Variants in STAG2 observed in about 807,000 individuals in gnomAD.
STAG2 encodes STAG2 cohesin complex component.
A neutral mutation model predicts 108.1 loss-of-function variants in STAG2; 14 were observed. That is an observed-to-expected ratio of 0.13 (90% CI 0.09 to 0.20). The LOEUF (loss-of-function observed/expected upper bound fraction) is 0.20, where lower values mean the gene tolerates loss of function less well. Ranked by LOEUF, STAG2 falls within the 10% of genes least tolerant of loss-of-function variation. The probability of loss-of-function intolerance (pLI) is 1.00; values close to 1 mark genes in which losing one functional copy is unlikely to be tolerated. For synonymous variants in STAG2, 307 were observed against 302.7 expected (o/e 1.01, Z -0.15); for missense variants, 440 against 940.9 (o/e 0.47, Z 6.96).
chrX:123,976,388 C>T lies in STAG2; in HGVS notation c.-163+14532C>T, dbSNP rs1162371760. On this transcript the variant is annotated intron_variant, in intron 1 of 34. Coordinates refer to ENST00000371145, the MANE Select transcript of STAG2 (RefSeq NM_001042750.2). Reference sequence around the variant, plus strand: ...ATAGTATTTGAATGTACAATATTGGCAAATATCCAGATTTATCTCATAGCA... The same window carrying T: ...ATAGTATTTGAATGTACAATATTGGTAAATATCCAGATTTATCTCATAGCA... Among the ~76,000 whole-genome samples the T allele has an allele frequency of 4.5e-5, 5 of 111,995 alleles. No individual in the cohort carries two copies. In the East Asian group the frequency reaches 1.4e-3, roughly 31 times the overall value.
chrX:124,058,852 T>C (rs1433347261), intron 15 of STAG2, among the ~76,000 whole-genome samples: 1 of 112,290 alleles, frequency 8.9e-6, no homozygotes, highest in East Asian at 2.8e-4. Flanking sequence ...GATCAGGCCT[T>C]TTAATTTTCT....
chrX:124,079,140 T>G (rs1277013896), intron 27 of STAG2, among the ~76,000 whole-genome samples: 1 of 108,871 alleles, frequency 9.2e-6, no homozygotes, highest in African/African-American at 3.3e-5. Flanking sequence ...GTCCTTTTTT[T>G]TTTTTCCTTT....
intron 1 of STAG2, among the ~76,000 whole-genome samples, chrX:123,970,570 A>G (rs2054311181): frequency 8.9e-6 from 1 of 112,024 alleles, no homozygotes; most frequent in South Asian, 3.7e-4. Flanking sequence ...TCGTGATACA[A>G]TGTGAATGCT....
At chrX:124,025,799 A>G (rs371655913) in intron 3 of STAG2, 41 bp from the exon 4 acceptor site, 3 of 980,134 alleles carry the variant, frequency 3.1e-6, no homozygotes, top group Non-Finnish European at 4.2e-6. Flanking sequence ...CTCAATATAA[A>G]TTTCTAAGGA....
At chrX:124,008,203 T>C (rs2056372814) in intron 1 of STAG2, among the ~76,000 whole-genome samples, 1 of 108,950 alleles carries the variant, frequency 9.2e-6, no homozygotes, top group Non-Finnish European at 1.9e-5. Flanking sequence ...ATTATTATTA[T>C]TAATTTTCTT....
chrX:124,063,720 T>TA, intron 19 of STAG2, 128 bp from the exon 20 acceptor site: 1 of 493,488 alleles, frequency 2.0e-6, no homozygotes, highest in Non-Finnish European at 3.4e-6. Flanking sequence ...AAAAGCACCT[T>TA]AAAATGTACG....
chrX:124,052,885 C>T (rs962666902), intron 13 of STAG2, among the ~76,000 whole-genome samples: 4 of 107,563 alleles, frequency 3.7e-5, no homozygotes, highest in Non-Finnish European at 5.8e-5. Flanking sequence ...GGCATGATCT[C>T]GGCTCACCGC....
chrX:124,076,409 C>CTAA lies in STAG2; in HGVS notation c.2613_2615dup (p.Ile872dup). 1 of 1,207,918 alleles carries CTAA rather than the reference C, an allele frequency of 8.3e-7. No homozygotes were observed. Among genetic ancestry groups the CTAA allele is most frequent in the Non-Finnish European group, 1.1e-6 (1 of 893,316 alleles). On this transcript the variant is annotated inframe_insertion, in exon 26 of 35. Coordinates refer to ENST00000371145, the MANE Select transcript of STAG2 (RefSeq NM_001042750.2). ...AAATTTACTTGCAGCATTTTGTAAGCTAATTGTATATACTGTGGTGGAGAT... is the reference window on the plus strand; with the variant it reads ...AAATTTACTTGCAGCATTTTGTAAGCTAATAATTGTATATACTGTGGTGGAGAT...
chrX:124,050,434 T>G, intron 11 of STAG2, 125 bp downstream of exon 11: 1 of 746,265 alleles, frequency 1.3e-6, no homozygotes, highest in East Asian at 3.7e-5. Context: ...CCCTTTATTC[T>G]TTTCTATCTT....
intron 1 of STAG2, among the ~76,000 whole-genome samples, chrX:123,974,895 A>G (rs979724726): frequency 2.7e-5 from 3 of 111,927 alleles, no homozygotes; most frequent in African/African-American, 9.7e-5. Flanking sequence ...GATTTTCATT[A>G]CATTCACTCA....
rs1052801058 is a variant in STAG2 at position 124,100,826 on chromosome X, ATATTT to A, written c.*235_*239del. 1.1e-5 allele frequency: 3 copies of A among 280,889 alleles called. No individual in the cohort carries two copies. Among genetic ancestry groups the A allele is most frequent in the South Asian group, 1.9e-4 (1 of 5,353 alleles). 23.1% of individuals were successfully genotyped at this position (280,889 alleles called of 1,213,427 possible). A position where few individuals can be genotyped will look rare whatever the true frequency, so the allele number is the denominator to read the frequency against. ...AGCTACAGTTTTTCTTAGAAAGTAA[ATATTT>A]TATTTATGCGCTGTTAGTTGGCTTT... On this transcript the variant is annotated 3_prime_UTR_variant, in exon 35 of 35. Coordinates refer to ENST00000371145, the MANE Select transcript of STAG2 (RefSeq NM_001042750.2).
intron 1 of STAG2, among the ~76,000 whole-genome samples, chrX:124,000,874 T>C (rs1341840059): frequency 9.0e-6 from 1 of 111,009 alleles, no homozygotes. Flanking sequence ...GGCTAATGTA[T>C]ATTTGTGTCT....
At chrX:124,096,617 T>C (rs946621033) in intron 34 of STAG2, among the ~76,000 whole-genome samples, 10 of 111,960 alleles carry the variant, frequency 8.9e-5, no homozygotes, top group African/African-American at 3.2e-4. Flanking sequence ...TATTCATTCT[T>C]AGTTCTGCCC....
chrX:124,057,727 G>A, intron 14 of STAG2, 139 bp from the exon 15 acceptor site: 1 of 328,749 alleles, frequency 3.0e-6, no homozygotes, highest in Non-Finnish European at 5.2e-6. Flanking sequence ...GGTGTGCCAT[G>A]TTGGATGATA....
intron 33 of STAG2, 55 bp downstream of exon 33, chrX:124,094,199 T>C (rs368600430): frequency 8.9e-7 from 1 of 1,117,948 alleles, no homozygotes; most frequent in East Asian, 3.0e-5. Context: ...TTGAAAATTA[T>C]GTTGGATATT....
Position 124,022,620 on chromosome X carries a change from A to G in STAG2, c.-8A>G. 1 of 1,169,595 alleles carries G rather than the reference A, an allele frequency of 8.5e-7. No individual in the cohort carries two copies. Among genetic ancestry groups the G allele is most frequent in the Non-Finnish European group, 1.1e-6 (1 of 873,688 alleles). On this transcript the variant is annotated 5_prime_UTR_variant, in exon 3 of 35. It removes the in-frame stop codon of an upstream open reading frame in the 5' UTR. Coordinates refer to ENST00000371145, the MANE Select transcript of STAG2 (RefSeq NM_001042750.2). Reference sequence around the variant, plus strand: ...TGACATTGAGGTGTTCCAGAAGATGATAAAGAAATGATAGCAGCTCCAGAA... The same window carrying G: ...TGACATTGAGGTGTTCCAGAAGATGGTAAAGAAATGATAGCAGCTCCAGAA...
At chrX:123,968,790 TC>T (rs1478820282) in intron 1 of STAG2, among the ~76,000 whole-genome samples, 1 of 112,585 alleles carries the variant, frequency 8.9e-6, no homozygotes, top group Admixed American at 9.4e-5. Flanking sequence ...CTATTTAAGT[TC>T]CTACTGAATG....
chrX:123,987,744 G>A (rs2055266268), intron 1 of STAG2, among the ~76,000 whole-genome samples: 2 of 111,993 alleles, frequency 1.8e-5, no homozygotes, highest in Admixed American at 1.9e-4. Flanking sequence ...GAGAAAATAA[G>A]GGATAATTCA....
intron 27 of STAG2, among the ~76,000 whole-genome samples, chrX:124,078,789 T>C (rs1307526789): frequency 7.3e-5 from 8 of 109,608 alleles, no homozygotes; most frequent in African/African-American, 2.0e-4. Flanking sequence ...GCCAACATGG[T>C]GAAACCCCGT....
Sources: allele counts gnomAD v4.1 joint callset (sites outside exome capture counted in the v4.1 genomes callset), GRCh38; gene constraint gnomAD v4.1.1; transcripts MANE v1.5; gene names NCBI Gene and HGNC (gene_info 2026-07-23, HGNC 2026-07-21).